NHS: variants seen among roughly 807,000 people sequenced by gnomAD.
The protein encoded by NHS is NHS actin remodeling regulator.
A neutral mutation model predicts 72.5 loss-of-function variants in NHS; 5 were observed. The observed-to-expected ratio is 0.07, with a 90% confidence interval of 0.04 to 0.14. NHS has a LOEUF of 0.14. Ranked by LOEUF, NHS falls within the 10% of genes least tolerant of loss-of-function variation. The pLI is 1.00. For missense variants in NHS, 1,072 were observed against 1,355.7 expected (o/e 0.79, Z 3.29); for synonymous variants, 464 against 547.7 (o/e 0.85, Z 2.13).
intron 1 of NHS, among the ~76,000 whole-genome samples, chrX:17,622,206 A>G (rs2065777459): frequency 8.9e-6 from 1 of 112,027 alleles, no homozygotes; most frequent in Admixed American, 9.4e-5. Context: ...GGCTTCATTC[A>G]ACCCCCTTGC....
intron 1 of NHS, among the ~76,000 whole-genome samples, chrX:17,517,650 G>GCC (rs1308741970): frequency 8.9e-6 from 1 of 111,776 alleles, no homozygotes; most frequent in Admixed American, 9.5e-5. Flanking sequence ...ATGTTAGAGG[G>GCC]CTTATTGTGT....
intron 3 of NHS, among the ~76,000 whole-genome samples, chrX:17,707,947 A>G (rs748742770): frequency 1.3e-4 from 15 of 111,800 alleles, no homozygotes; most frequent in Non-Finnish European, 2.1e-4. Flanking sequence ...TTGCTATACA[A>G]GAGTTAGACA....
rs916301376 is a variant in NHS at position 17,474,270 on chromosome X, G to A, written c.565+97948G>A. ...TTCCCTGCTCTTCCCTTCTGTTCCT[G>A]AGCCTAACCACTAGTGATTTATTTA... On this transcript the variant is annotated intron_variant, in intron 1 of 8. Coordinates refer to ENST00000676302, the MANE Select transcript of NHS (RefSeq NM_001291867.2). 8.0e-5 allele frequency among the ~76,000 whole-genome samples: 9 copies of A among 112,289 alleles called. 1 individual carries two copies. The highest frequency in any genetic ancestry group is 3.8e-4 in the Admixed American group (4 of 10,566).
At chrX:17,699,971 G>T (rs956006652) in intron 3 of NHS, among the ~76,000 whole-genome samples, 4 of 111,848 alleles carry the variant, frequency 3.6e-5, no homozygotes, top group African/African-American at 1.3e-4. Flanking sequence ...ACTGGGAGAA[G>T]ATATGTGCAA....
At chrX:17,454,833 T>C (rs185614830) in intron 1 of NHS, among the ~76,000 whole-genome samples, 1 of 112,135 alleles carries the variant, frequency 8.9e-6, no homozygotes, top group Non-Finnish European at 1.9e-5. Context: ...TTGCTGTCTT[T>C]CCATTTGGTG....
chrX:17,516,032 T>A (rs1240641309), intron 1 of NHS, among the ~76,000 whole-genome samples: 4 of 106,726 alleles, frequency 3.7e-5, no homozygotes, highest in Non-Finnish European at 7.6e-5. Context: ...GGAGACAAAC[T>A]GTTAAAAGAT....
intron 1 of NHS, among the ~76,000 whole-genome samples, chrX:17,388,566 AGGAGGCCAG>A (rs2064422630): frequency 1.8e-5 from 2 of 109,771 alleles, no homozygotes; most frequent in Admixed American, 9.9e-5. Flanking sequence ...GGGGATGGCA[AGGAGGCCAG>A]GGTGGTGGAT....
intron 1 of NHS, among the ~76,000 whole-genome samples, chrX:17,570,752 T>C (rs1435754502): frequency 2.7e-5 from 3 of 111,867 alleles, no homozygotes; most frequent in Non-Finnish European, 5.6e-5. Flanking sequence ...TGTGCTGGTT[T>C]TCAAAGGGAA....
In NHS at chrX:17,727,053, A is replaced by G; in HGVS notation, c.2947A>G (p.Ser983Gly). 2 of 1,211,968 alleles carry G rather than the reference A, an allele frequency of 1.7e-6. No individual in the cohort carries two copies. The highest frequency in any genetic ancestry group is 2.2e-6 in the Non-Finnish European group (2 of 895,567). Residue 983 changes from serine to glycine, a missense_variant, in exon 7 of 9, where the codon AGC becomes GGC. By Grantham distance (56) the Ser-to-Gly change is moderately conservative (BLOSUM62 0). Transcript: ENST00000676302. Reference sequence around the variant, plus strand: ...CATTGAATGCATCAAATCTCCAGAGAGCTCTGAATCCCAAACATCACAATC... The same window carrying G: ...CATTGAATGCATCAAATCTCCAGAGGGCTCTGAATCCCAAACATCACAATC... ...TVIECIKSPE[S>G]SESQTSQSES...
intron 3 of NHS, among the ~76,000 whole-genome samples, chrX:17,709,650 C>T (rs955728847): frequency 9.0e-6 from 1 of 111,558 alleles, no homozygotes; most frequent in South Asian, 3.8e-4. Flanking sequence ...AGCTAACATT[C>T]CCAGGGCTGG....
chrX:17,421,409 G>A (rs1165235608), intron 1 of NHS, among the ~76,000 whole-genome samples: 1 of 110,751 alleles, frequency 9.0e-6, no homozygotes, highest in East Asian at 2.8e-4. Flanking sequence ...GTCTGTATTT[G>A]CATTTTAATT....
intron 1 of NHS, among the ~76,000 whole-genome samples, chrX:17,466,225 T>C (rs2064870140): frequency 1.8e-5 from 2 of 112,455 alleles, no homozygotes; most frequent in South Asian, 3.7e-4. Context: ...GAGAAGGAGA[T>C]AGAGATGCCA....
chrX:17,442,527 G>A (rs929836188), intron 1 of NHS, among the ~76,000 whole-genome samples: 1 of 112,456 alleles, frequency 8.9e-6, no homozygotes, highest in African/African-American at 3.2e-5. Context: ...GTTCCACATG[G>A]AACTTGGTTT....
chrX:17,694,636 T>C (rs1001478417), intron 3 of NHS, among the ~76,000 whole-genome samples: 1 of 112,333 alleles, frequency 8.9e-6, no homozygotes, highest in Non-Finnish European at 1.9e-5. Context: ...ACTTGCGAGC[T>C]GTATGACCCT....
At chrX:17,683,603 T>C (rs1290787111) in intron 1 of NHS, among the ~76,000 whole-genome samples, 1 of 111,475 alleles carries the variant, frequency 9.0e-6, no homozygotes, top group East Asian at 2.8e-4. Flanking sequence ...CCTCTTTGAG[T>C]TGTGTGCGGG....
Position 17,621,085 on chromosome X carries a change from C to T in NHS, c.566-66657C>T, listed in dbSNP as rs568131539. 3.5e-4 allele frequency among the ~76,000 whole-genome samples: 39 copies of T among 112,396 alleles called. No homozygotes were observed. In the South Asian group the frequency reaches 0.014, roughly 41 times the overall value. The stretch of plus-strand genomic sequence containing the variant: ...GCTCTGCAAAGAAATCACCCCAACC[C>T]AGGCCCCAGATGAAGGCCTGACTAC... On this transcript the variant is annotated intron_variant, in intron 1 of 8. Coordinates refer to ENST00000676302, the MANE Select transcript of NHS (RefSeq NM_001291867.2).
intron 1 of NHS, among the ~76,000 whole-genome samples, chrX:17,487,838 A>G (rs2064973423): frequency 9.0e-6 from 1 of 111,644 alleles, no homozygotes; most frequent in African/African-American, 3.3e-5. Flanking sequence ...GGGGAGTGCC[A>G]GGGAGTCAGG....
intron 1 of NHS, among the ~76,000 whole-genome samples, chrX:17,619,394 T>C (rs1276061266): frequency 9.0e-6 from 1 of 111,548 alleles, no homozygotes; most frequent in Non-Finnish European, 1.9e-5. Flanking sequence ...CAGTGAAATA[T>C]GAGAATTGTT....
intron 1 of NHS, among the ~76,000 whole-genome samples, chrX:17,439,681 T>C (rs1354061043): frequency 8.9e-6 from 1 of 112,109 alleles, no homozygotes; most frequent in Non-Finnish European, 1.9e-5. Context: ...TATTCTCCTA[T>C]TGATAGACAC....
Sources: gnomAD v4.1 joint callset for allele counts (sites outside exome capture counted in the v4.1 genomes callset) on GRCh38, gnomAD v4.1.1 for gene constraint, MANE v1.5 for transcripts, NCBI Gene and HGNC (gene_info 2026-07-23, HGNC 2026-07-21) for gene names.